The following IGF1R variants were observed in gnomAD, a reference collection of about 807,000 sequenced individuals.
The protein encoded by IGF1R is insulin like growth factor 1 receptor, also known as insulin-like growth factor 1 receptor.
In IGF1R, 44 loss-of-function variants were observed where a neutral mutation model predicts 144.6. That is an observed-to-expected ratio of 0.30 (90% CI 0.24 to 0.39). The LOEUF (loss-of-function observed/expected upper bound fraction) is 0.39, where lower values mean the gene tolerates loss of function less well. Among genes scored for constraint, IGF1R ranks in the 10% least tolerant of loss-of-function variants. The probability of loss-of-function intolerance (pLI) is 1.00; values close to 1 mark genes in which losing one functional copy is unlikely to be tolerated. For synonymous variants in IGF1R, 795 were observed against 722.8 expected (o/e 1.10, Z -1.60); for missense variants, 1,355 against 1,833.7 (o/e 0.74, Z 4.77).
intron 5 of IGF1R, among the ~76,000 whole-genome samples, chr15:98,906,994 G>T (rs370688415): frequency 6.6e-6 from 1 of 152,210 alleles, no homozygotes; most frequent in Non-Finnish European, 1.5e-5. Flanking sequence ...CAGATTCCGT[G>T]GTGGCTCTGT....
intron 2 of IGF1R, among the ~76,000 whole-genome samples, chr15:98,803,893 CTTA>C (rs374122455): frequency 1.3e-5 from 2 of 152,316 alleles, no homozygotes; most frequent in East Asian, 1.9e-4. Flanking sequence ...AACATAGTCA[CTTA>C]TTATCATTAT....
chr15:98,731,465 A>T (rs1338134068), intron 2 of IGF1R, among the ~76,000 whole-genome samples: 2 of 152,220 alleles, frequency 1.3e-5, no homozygotes, highest in African/African-American at 4.8e-5. Flanking sequence ...TCTGTCTCTC[A>T]GTGAACTTTC....
At chr15:98,849,004 C>A (rs758428058) in intron 2 of IGF1R, among the ~76,000 whole-genome samples, 1 of 152,116 alleles carries the variant, frequency 6.6e-6, no homozygotes, top group Non-Finnish European at 1.5e-5. Flanking sequence ...GTCAGTTCTC[C>A]GTAAGTTTTT....
At chr15:98,843,551 AAAG>A (rs1242492776) in intron 2 of IGF1R, among the ~76,000 whole-genome samples, 2 of 152,152 alleles carry the variant, frequency 1.3e-5, no homozygotes, top group African/African-American at 4.8e-5. Flanking sequence ...TAAAAAATTG[AAAG>A]TATTTAAAAT....
At chr15:98,828,778 T>G (rs1260082661) in intron 2 of IGF1R, among the ~76,000 whole-genome samples, 1 of 151,650 alleles carries the variant, frequency 6.6e-6, no homozygotes, top group Non-Finnish European at 1.5e-5. Context: ...AGCATGGTTT[T>G]TTTTTTTTTT....
At chr15:98,709,001 G>T (rs1339118179) in intron 2 of IGF1R, among the ~76,000 whole-genome samples, 1 of 152,158 alleles carries the variant, frequency 6.6e-6, no homozygotes. Context: ...AGGCTGTTTG[G>T]TATTAAAATG....
chr15:98,801,538 C>G (rs895005126), intron 2 of IGF1R, among the ~76,000 whole-genome samples: 2 of 152,232 alleles, frequency 1.3e-5, no homozygotes, highest in Non-Finnish European at 2.9e-5. Flanking sequence ...AGAGGCCTTT[C>G]CTTGATGATC....
Position 98,958,477 on chromosome 15 carries a change from A to T in IGF1R, c.*1035A>T, listed in dbSNP as rs1380387106. On this transcript the variant is annotated 3_prime_UTR_variant, in exon 21 of 21. Transcript: ENST00000650285. ...AGGGACTCAGCCCCACTGTTGATGC[A>T]GGTTTGCAAGGAAAGAAATTCAAAC... 1 of 224,888 alleles carries T rather than the reference A, an allele frequency of 4.4e-6. No homozygotes were observed. Among genetic ancestry groups the T allele is most frequent in the Non-Finnish European group, 8.9e-6 (1 of 112,798 alleles). 13.9% of individuals were successfully genotyped at this position (224,888 alleles called of 1,614,324 possible).
rs182472366 is a variant in IGF1R at position 98,707,955 on chromosome 15, C to A, written c.488C>A (p.Ala163Glu). The A allele has an allele frequency of 6.2e-7, 1 of 1,614,176 alleles. No homozygotes were observed. Among genetic ancestry groups the A allele is most frequent in the Admixed American group, 1.7e-5 (1 of 60,028 alleles). ...STVDWSLILD[A>E]VSNNYIVGNK... ...GTGGACTGGTCCCTGATCCTGGATG[C>A]GGTGTCCAATAACTACATTGTGGGG... The change falls in exon 2 of 21, where the codon GCG (alanine) becomes GAG (glutamate). Residue 163 changes from alanine to glutamate, a missense_variant. This residue lies in a region of IGF1R where 880 missense variants were observed against 1,202.7 expected (regional missense o/e 0.73). Coordinates refer to ENST00000650285, the MANE Select transcript of IGF1R (RefSeq NM_000875.5). The surrounding 1 kb of genome is among the most constrained non-coding windows in gnomAD (Gnocchi z 6.7).
At chr15:98,725,833 G>C (rs2054345554) in intron 2 of IGF1R, among the ~76,000 whole-genome samples, 1 of 152,216 alleles carries the variant, frequency 6.6e-6, no homozygotes, top group South Asian at 2.1e-4. Flanking sequence ...GTGGCAGCAA[G>C]AGAAAATGTG....
At chr15:98,871,691 A>G (rs1049104262) in intron 2 of IGF1R, among the ~76,000 whole-genome samples, 1 of 152,350 alleles carries the variant, frequency 6.6e-6, no homozygotes, top group East Asian at 1.9e-4. Flanking sequence ...TTGTGCAGGG[A>G]AACTTCCATT....
intron 1 of IGF1R, among the ~76,000 whole-genome samples, chr15:98,691,440 T>G (rs1343855215): frequency 1.3e-5 from 2 of 150,900 alleles, no homozygotes; most frequent in South Asian, 2.1e-4. Context: ...CTCGACTCAC[T>G]GCAACTTCTG....
intron 2 of IGF1R, among the ~76,000 whole-genome samples, chr15:98,832,743 G>A (rs2057024406): frequency 6.6e-6 from 1 of 152,118 alleles, no homozygotes; most frequent in Non-Finnish European, 1.5e-5. Flanking sequence ...TTGGAATATA[G>A]GAATTATCTT....
chr15:98,819,126 G>T, intron 2 of IGF1R, among the ~76,000 whole-genome samples: 1 of 152,028 alleles, frequency 6.6e-6, no homozygotes, highest in East Asian at 1.9e-4. Context: ...CATCCAGGGG[G>T]GGCAAGCTAA....
At chr15:98,810,612 G>A (rs567238664) in intron 2 of IGF1R, among the ~76,000 whole-genome samples, 3 of 149,874 alleles carry the variant, frequency 2.0e-5, no homozygotes, top group South Asian at 2.1e-4. Flanking sequence ...GCGGTGGCGC[G>A]ATCTCTGCTC....
intron 12 of IGF1R, 72 bp from the exon 13 acceptor site, chr15:98,924,453 T>G: frequency 1.4e-6 from 2 of 1,445,064 alleles, no homozygotes; most frequent in Non-Finnish European, 1.9e-6. Flanking sequence ...CCCAGTGTGG[T>G]GAGTTTAGTT....
chr15:98,913,311 T>G (rs1296980372), intron 8 of IGF1R, 29 bp downstream of exon 8: 13 of 1,554,322 alleles, frequency 8.4e-6, no homozygotes, highest in Non-Finnish European at 1.2e-5. Flanking sequence ...GCCCCCAGCA[T>G]CCACACTTCT....
At chr15:98,953,456 T>G (rs2016856364) in intron 20 of IGF1R, among the ~76,000 whole-genome samples, 1 of 152,196 alleles carries the variant, frequency 6.6e-6, no homozygotes, top group Non-Finnish European at 1.5e-5. Context: ...ATCTCGGTAT[T>G]TATGCCACAG....
intron 10 of IGF1R, among the ~76,000 whole-genome samples, chr15:98,920,908 T>C (rs1015087219): frequency 5.9e-5 from 9 of 152,146 alleles, no homozygotes; most frequent in Non-Finnish European, 1.2e-4. Flanking sequence ...GGTTCTGACC[T>C]AAGGACCAGC....
Sources: allele counts gnomAD v4.1 joint callset (sites outside exome capture counted in the v4.1 genomes callset), GRCh38; gene constraint gnomAD v4.1.1; regional missense constraint gnomAD v4.1.1; non-coding constraint Gnocchi (gnomAD v3.1); transcripts MANE v1.5; gene names NCBI Gene and HGNC (gene_info 2026-07-23, HGNC 2026-07-21).